The following CUBN variants were observed in gnomAD, a reference collection of about 807,000 sequenced individuals.
The protein encoded by CUBN is 460 kDa receptor.
A neutral mutation model predicts 405.3 loss-of-function variants in CUBN; 282 were observed. The observed-to-expected ratio is 0.70, with a 90% CI of 0.63 to 0.77. The LOEUF (loss-of-function observed/expected upper bound fraction) is 0.77. Among genes scored for constraint, CUBN ranks in the 30% least tolerant of loss-of-function variants. The probability of loss-of-function intolerance (pLI) is 0.00; values close to 1 mark genes in which losing one functional copy is unlikely to be tolerated. For missense variants in CUBN, 4,514 were observed against 4,475.2 expected (o/e 1.01, Z -0.25); for synonymous variants, 1,684 against 1,617.0 (o/e 1.04, Z -0.99).
intron 59 of CUBN, among the ~76,000 whole-genome samples, chr10:16,855,900 C>T (rs1187675728): frequency 2.0e-5 from 3 of 152,068 alleles, no homozygotes; most frequent in Non-Finnish European, 4.4e-5. Flanking sequence ...CTCTAATTCC[C>T]CCTCTTTAGT....
chr10:17,063,238 T>G (rs1381727080), intron 22 of CUBN, among the ~76,000 whole-genome samples: 1 of 152,168 alleles, frequency 6.6e-6, no homozygotes, highest in Non-Finnish European at 1.5e-5. Flanking sequence ...TCTTCCTGGA[T>G]CTCGTCATCT....
chr10:16,902,308 AGTATATATATTT>A (rs1332328646), intron 51 of CUBN, among the ~76,000 whole-genome samples: 2 of 142,212 alleles, frequency 1.4e-5, no homozygotes, highest in Non-Finnish European at 3.0e-5. Context: ...GTGTATATAT[AGTATATATATTT>A]GTATATATAT....
At chr10:17,031,862 G>A (rs952773021) in intron 27 of CUBN, among the ~76,000 whole-genome samples, 1 of 152,212 alleles carries the variant, frequency 6.6e-6, no homozygotes, top group South Asian at 2.1e-4. Flanking sequence ...CAGCAGTGAC[G>A]TGCACTGCAA....
chr10:17,018,093 C>T (rs984283934), intron 28 of CUBN, among the ~76,000 whole-genome samples: 2 of 152,080 alleles, frequency 1.3e-5, no homozygotes, highest in Admixed American at 6.6e-5. Context: ...CTCCCAACTC[C>T]GAAGAGTTGG....
chr10:16,972,963 A>C (rs1281987312), intron 31 of CUBN, among the ~76,000 whole-genome samples: 1 of 152,106 alleles, frequency 6.6e-6, no homozygotes, highest in Non-Finnish European at 1.5e-5. Context: ...TTTCTCTGCC[A>C]AGCCATTCTT....
rs770871285 is a variant in CUBN, at chr10:17,071,498, G to A, written c.2553C>T (p.Ser851=). Residue 851 remains serine (S), a synonymous_variant, in exon 19 of 67, where the codon AGC becomes AGT. Transcript: ENST00000377833. ...TCRWTIHQPQ[S]QVILLNFTVF... is the part of the protein sequence containing the mutation. ...CAGTGAAGTTGAGGAGAATGACTTG[G>A]CTTTGGGGCTGGTGGATGGTCCACC... The A allele has an allele frequency of 6.2e-6, 10 of 1,613,840 alleles. No homozygotes were observed. The highest frequency in any genetic ancestry group is 5.0e-5 in the Admixed American group (3 of 59,978).
In CUBN at chr10:16,938,981, G is replaced by A. The variant is rs1294220618; in HGVS notation, c.5715C>T (p.Cys1905=). 2.5e-6 allele frequency: 4 copies of A among 1,613,372 alleles called. No homozygotes were observed. In the South Asian group the frequency reaches 3.3e-5, roughly 13 times the overall value. ...LEMDIEEIQN[C]YYDKLRIYDG... ...AACTCACCCTTAATTTGTCATAATAGCAGTTTTGTATTTCTTCTATGTCCA... is the reference window on the plus strand; with the variant it reads ...AACTCACCCTTAATTTGTCATAATAACAGTTTTGTATTTCTTCTATGTCCA... Residue 1905 remains cysteine, a synonymous_variant, in exon 38 of 67, where the codon TGC becomes TGT. Transcript: ENST00000377833.
chr10:16,931,135 G>A (rs1256817302), intron 40 of CUBN, among the ~76,000 whole-genome samples: 1 of 151,758 alleles, frequency 6.6e-6, no homozygotes, highest in Non-Finnish European at 1.5e-5. Flanking sequence ...GCGGTGGCGG[G>A]TGCCTATAGT....
intron 27 of CUBN, among the ~76,000 whole-genome samples, chr10:17,037,752 G>T (rs11254338): frequency 6.6e-6 from 1 of 152,090 alleles, no homozygotes; most frequent in Non-Finnish European, 1.5e-5. Flanking sequence ...TTGTTACAGA[G>T]AGCCTCAGAA....
intron 36 of CUBN, among the ~76,000 whole-genome samples, chr10:16,940,871 G>A (rs567615384): frequency 2.7e-4 from 41 of 152,230 alleles, no homozygotes; most frequent in African/African-American, 3.6e-4. Flanking sequence ...ACTTAAATGC[G>A]CTGCAAAGGT....
At chr10:16,853,890 AT>A (rs1839792343) in intron 59 of CUBN, among the ~76,000 whole-genome samples, 2 of 152,328 alleles carry the variant, frequency 1.3e-5, no homozygotes, top group South Asian at 4.1e-4. Flanking sequence ...GTATGAATGG[AT>A]TGATAAATTT....
intron 16 of CUBN, among the ~76,000 whole-genome samples, chr10:17,085,105 T>C (rs1836076333): frequency 6.6e-6 from 1 of 152,234 alleles, no homozygotes; most frequent in African/African-American, 2.4e-5. Context: ...TCCTGTGTTT[T>C]GTTGTTTGTT....
intron 43 of CUBN, among the ~76,000 whole-genome samples, chr10:16,922,885 T>C (rs1842077573): frequency 6.6e-6 from 1 of 151,634 alleles, no homozygotes; most frequent in Non-Finnish European, 1.5e-5. Flanking sequence ...GGTCTCGCTT[T>C]GTCACTCAGG....
At chr10:16,951,984 C>G (rs1186059698) in intron 33 of CUBN, among the ~76,000 whole-genome samples, 1 of 151,626 alleles carries the variant, frequency 6.6e-6, no homozygotes, top group Non-Finnish European at 1.5e-5. Context: ...GTTAATACAG[C>G]AAGGTTGTAG....
Position 17,030,816 on chromosome 10 carries a change from G to A in CUBN, c.4017+10217C>T, listed in dbSNP as rs966585648. The stretch of plus-strand genomic sequence containing the variant: ...TGCCTGTGGCCCCAGCTACTCGGGA[G>A]GCTGAGGCAGGAGAATCATTGGAAC... On this transcript the variant is annotated intron_variant, in intron 27 of 66. Transcript: ENST00000377833. 5.3e-5 allele frequency among the ~76,000 whole-genome samples: 8 copies of A among 152,120 alleles called. No individual in the cohort carries two copies. The South Asian group carries it at 6.2e-4, about 12-fold the overall frequency.
At chr10:16,899,618 G>C (rs1841298236) in intron 53 of CUBN, among the ~76,000 whole-genome samples, 1 of 152,206 alleles carries the variant, frequency 6.6e-6, no homozygotes, top group African/African-American at 2.4e-5. Context: ...AAGTGATTTT[G>C]AGTTGGGGAA....
At chr10:16,990,564 G>A (rs751769895) in intron 28 of CUBN, 49 bp from the exon 29 acceptor site, 2 of 1,532,112 alleles carry the variant, frequency 1.3e-6, no homozygotes, top group Admixed American at 3.5e-5. Context: ...AACAGCACAT[G>A]GAAAATAATT....
At chr10:17,015,214 G>A (rs978569436) in intron 28 of CUBN, among the ~76,000 whole-genome samples, 2 of 152,172 alleles carry the variant, frequency 1.3e-5, no homozygotes, top group African/African-American at 2.4e-5. Flanking sequence ...GAAAAGTGGT[G>A]GGGTCTTTTA....
At position 17,123,687 on chromosome 10, in the gene CUBN, A is replaced by C; in HGVS notation, c.390T>G (p.Thr130=). 6.2e-7 allele frequency: 1 copy of C among 1,612,222 alleles called. No homozygotes were observed. The highest frequency in any genetic ancestry group is 8.5e-7 in the Non-Finnish European group (1 of 1,178,504). ...LERKFQGLQQ[T]VDKKVCSSNP... Reference sequence around the variant, plus strand: ...TGCTGCTGCAAACCTTTTTGTCAACAGTCTGAAACAAAAACAGGACAGTCA... The same window carrying C: ...TGCTGCTGCAAACCTTTTTGTCAACCGTCTGAAACAAAAACAGGACAGTCA... The change falls in exon 5 of 67, where the codon ACT becomes ACG. Residue 130 remains threonine (T), a splice_region_variant and synonymous_variant. Coordinates refer to ENST00000377833, the MANE Select transcript of CUBN (RefSeq NM_001081.4).
Sources: allele counts gnomAD v4.1 joint callset (sites outside exome capture counted in the v4.1 genomes callset), GRCh38; gene constraint gnomAD v4.1.1; transcripts MANE v1.5; gene names NCBI Gene and HGNC (gene_info 2026-07-23, HGNC 2026-07-21).